NTRK2: variants seen among roughly 807,000 people sequenced by gnomAD.
NTRK2 encodes the protein neurotrophic receptor tyrosine kinase 2, also known as BDNF/NT-3 growth factors receptor.
In NTRK2, 13 loss-of-function variants were observed where a neutral mutation model predicts 94.5. The observed-to-expected ratio is 0.14, with a 90% confidence interval of 0.09 to 0.22. The LOEUF is 0.22. Ranked by LOEUF, NTRK2 falls within the 10% of genes least tolerant of loss-of-function variation. The pLI is 1.00. For synonymous variants in NTRK2, 372 were observed against 407.4 expected (o/e 0.91, Z 1.05); for missense variants, 639 against 1,071.2 (o/e 0.60, Z 5.63).
chr9:84,979,570 C>T (rs1169362184), intron 17 of NTRK2, among the ~76,000 whole-genome samples: 2 of 152,174 alleles, frequency 1.3e-5, no homozygotes, highest in Non-Finnish European at 2.9e-5. Flanking sequence ...GTTGAAATTA[C>T]AACCACGAAT....
At position 84,885,264 on chromosome 9, in the gene NTRK2, G is replaced by A. The variant is rs114189883; in HGVS notation, c.1633+17833G>A. On this transcript the variant is annotated intron_variant, in intron 14 of 18. Coordinates refer to ENST00000277120, the MANE Select transcript of NTRK2 (RefSeq NM_006180.6). Reference sequence around the variant, plus strand: ...CTGAAAGACCAGAGGCCTGTTTTCAGATGATCCCTTGAAAATGAGATTCAA... The same window carrying A: ...CTGAAAGACCAGAGGCCTGTTTTCAAATGATCCCTTGAAAATGAGATTCAA... Among the ~76,000 whole-genome samples, 665 of 152,314 alleles carry A rather than the reference G, an allele frequency of 4.4e-3. 9 individuals carry two copies. Among genetic ancestry groups the A allele is most frequent in the African/African-American group, 0.015 (627 of 41,574 alleles).
chr9:84,680,509 G>C (rs1433821591), intron 2 of NTRK2, among the ~76,000 whole-genome samples: 3 of 152,228 alleles, frequency 2.0e-5, no homozygotes, highest in Non-Finnish European at 4.4e-5. Flanking sequence ...TTCAGCTGAA[G>C]CTAATCACTC....
At chr9:84,955,037 G>A (rs564831538) in intron 16 of NTRK2, among the ~76,000 whole-genome samples, 6 of 152,296 alleles carry the variant, frequency 3.9e-5, no homozygotes, top group South Asian at 4.2e-4. Flanking sequence ...TCAGGCCCAC[G>A]GGGTCCTGGG....
At position 84,875,794 on chromosome 9, in the gene NTRK2, C is replaced by T; in HGVS notation, c.1633+8363C>T. 2.9e-6 allele frequency: 3 copies of T among 1,049,054 alleles called. No individual in the cohort carries two copies. In the African/African-American group the frequency reaches 5.0e-5, roughly 17 times the overall value. The allele number at this position is 1,049,054 out of a possible 1,614,324, so 65.0% of individuals were successfully genotyped here. ...TCCTTCCTCTCCTGATGTCTCAGGC[C>T]TCTAGACCTAGACTGGGGTTCTGGC... On this transcript the variant is annotated intron_variant, in intron 14 of 18. Transcript: ENST00000277120.
At chr9:84,911,034 T>C (rs970289144) in intron 14 of NTRK2, among the ~76,000 whole-genome samples, 1 of 152,164 alleles carries the variant, frequency 6.6e-6, no homozygotes, top group African/African-American at 2.4e-5. Flanking sequence ...ATGAACATAG[T>C]ATGTTTCTTA....
At chr9:84,874,543 T>G in intron 14 of NTRK2, 1 of 1,064,962 alleles carries the variant, frequency 9.4e-7, no homozygotes, top group African/African-American at 1.6e-5. Flanking sequence ...TTTGTTTGTT[T>G]TTGTTTAGTT....
At chr9:85,004,618 C>A (rs1162892882) in intron 17 of NTRK2, among the ~76,000 whole-genome samples, 1 of 152,092 alleles carries the variant, frequency 6.6e-6, no homozygotes, top group Non-Finnish European at 1.5e-5. Flanking sequence ...GAAACATAAT[C>A]ATAGGAGTTG....
intron 2 of NTRK2, among the ~76,000 whole-genome samples, chr9:84,693,633 A>G (rs1411363567): frequency 3.9e-5 from 6 of 152,210 alleles, no homozygotes; most frequent in Admixed American, 3.9e-4. Context: ...TGGTCTGTTC[A>G]TTTTAAATAA....
chr9:84,779,974 G>A (rs1296175549), intron 12 of NTRK2, among the ~76,000 whole-genome samples: 1 of 152,122 alleles, frequency 6.6e-6, no homozygotes, highest in Non-Finnish European at 1.5e-5. Context: ...CACCACTAGT[G>A]GGTCAGGTTA....
chr9:84,816,566 G>T (rs945171513), intron 12 of NTRK2, among the ~76,000 whole-genome samples: 1 of 151,830 alleles, frequency 6.6e-6, no homozygotes, highest in Non-Finnish European at 1.5e-5. Context: ...GGATCATGAG[G>T]TCGAGAGTTC....
intron 2 of NTRK2, among the ~76,000 whole-genome samples, chr9:84,682,860 A>G (rs751560150): frequency 6.6e-5 from 10 of 151,992 alleles, no homozygotes; most frequent in Non-Finnish European, 1.0e-4. Flanking sequence ...AACCAACCTT[A>G]TTTTCTTCCC....
At chr9:84,742,800 T>C (rs2063757471) in intron 10 of NTRK2, among the ~76,000 whole-genome samples, 1 of 135,088 alleles carries the variant, frequency 7.4e-6, no homozygotes, top group Non-Finnish European at 1.5e-5. Context: ...TTTTTTTTTT[T>C]TTTTTTTTTT....
chr9:84,849,948 C>T (rs1056406136), intron 12 of NTRK2, among the ~76,000 whole-genome samples: 1 of 152,046 alleles, frequency 6.6e-6, no homozygotes, highest in Non-Finnish European at 1.5e-5. Context: ...GAAGAGAGTA[C>T]GGAGTTGAAT....
chr9:84,839,840 A>G (rs1373560636), intron 12 of NTRK2, among the ~76,000 whole-genome samples: 1 of 152,218 alleles, frequency 6.6e-6, no homozygotes, highest in Admixed American at 6.5e-5. Flanking sequence ...AAATGCAGAC[A>G]AATTGCTGCT....
chr9:84,984,734 G>A (rs189165737), intron 17 of NTRK2, among the ~76,000 whole-genome samples: 1 of 152,330 alleles, frequency 6.6e-6, no homozygotes, highest in Admixed American at 6.5e-5. Context: ...AGTAGTTTGT[G>A]TATAAACTAG....
intron 17 of NTRK2, among the ~76,000 whole-genome samples, chr9:85,009,914 G>C (rs1831376434): frequency 6.6e-6 from 1 of 152,172 alleles, no homozygotes; most frequent in Non-Finnish European, 1.5e-5. Flanking sequence ...CCCCAGCTGA[G>C]AGGAAAGAAG....
At chr9:84,961,495 G>A (rs532747897) in intron 17 of NTRK2, among the ~76,000 whole-genome samples, 22 of 152,278 alleles carry the variant, frequency 1.4e-4, no homozygotes, top group South Asian at 4.1e-4. Context: ...TGTATTAAAC[G>A]GGACTTGCAT....
chr9:84,841,166 G>C (rs931321717), intron 12 of NTRK2, among the ~76,000 whole-genome samples: 1 of 152,132 alleles, frequency 6.6e-6, no homozygotes, highest in Non-Finnish European at 1.5e-5. Flanking sequence ...CCCACCTCTC[G>C]TTTCCAATGG....
At chr9:84,798,977 A>G (rs1179536813) in intron 12 of NTRK2, among the ~76,000 whole-genome samples, 1 of 147,234 alleles carries the variant, frequency 6.8e-6, no homozygotes, top group Admixed American at 6.9e-5. Context: ...CAAATTAACT[A>G]TTATCATTAG....
Sources: gnomAD v4.1 joint callset for allele counts (sites outside exome capture counted in the v4.1 genomes callset) on GRCh38, gnomAD v4.1.1 for gene constraint, MANE v1.5 for transcripts, NCBI Gene and HGNC (gene_info 2026-07-23, HGNC 2026-07-21) for gene names.